NAV3: variants seen among roughly 807,000 people sequenced by gnomAD.
NAV3 encodes the protein neuron navigator 3, also known as pore membrane and/or filament interacting like protein 1.
A neutral mutation model predicts 244.7 loss-of-function variants in NAV3; 87 were observed. The observed-to-expected ratio is 0.36, with a 90% confidence interval of 0.30 to 0.42. The LOEUF is 0.42. Ranked by LOEUF, NAV3 falls within the 20% of genes least tolerant of loss-of-function variation. The probability of loss-of-function intolerance (pLI) is 1.00; values close to 1 mark genes in which losing one functional copy is unlikely to be tolerated. For synonymous variants in NAV3, 1,126 were observed against 1,042.2 expected (o/e 1.08, Z -1.55); for missense variants, 2,663 against 2,893.3 (o/e 0.92, Z 1.83).
chr12:77,937,973 C>T lies in NAV3; in HGVS notation c.244-2346C>T, dbSNP rs6538492. Reference sequence around the variant, plus strand: ...TTTTTCTCCTTGTTTTACAACAAGACTTTTTTTTACAAGAGGAATCTGAAG... The same window carrying T: ...TTTTTCTCCTTGTTTTACAACAAGATTTTTTTTTACAAGAGGAATCTGAAG... On this transcript the variant is annotated intron_variant, in intron 1 of 39. Transcript: ENST00000397909. 7.5e-3 allele frequency among the ~76,000 whole-genome samples: 1,137 copies of T among 152,028 alleles called. 14 individuals are homozygous for T. The highest frequency in any genetic ancestry group is 0.024 in the Middle Eastern group (7 of 294).
At chr12:78,194,904 C>T (rs895558423) in intron 34 of NAV3, among the ~76,000 whole-genome samples, 6 of 152,074 alleles carry the variant, frequency 3.9e-5, no homozygotes, top group Non-Finnish European at 8.8e-5. Context: ...CACCACAGTA[C>T]ATTTTCCAGA....
chr12:77,830,700 C>T (rs940102673), upstream of NAV3, among the ~76,000 whole-genome samples: 9 of 152,152 alleles, frequency 5.9e-5, no homozygotes, highest in South Asian at 6.2e-4. Context: ...GAATGAACAT[C>T]GTGGCTCATG....
At chr12:77,758,846 T>C (rs1402459216) in intron 2 of NAV3, among the ~76,000 whole-genome samples, 1 of 152,246 alleles carries the variant, frequency 6.6e-6, no homozygotes, top group African/African-American at 2.4e-5. Flanking sequence ...GAAATAATTT[T>C]GCAACATTTG....
intron 2 of NAV3, among the ~76,000 whole-genome samples, chr12:77,590,956 A>G (rs1869877687): frequency 6.6e-6 from 1 of 152,120 alleles, no homozygotes; most frequent in Non-Finnish European, 1.5e-5. Flanking sequence ...CCATGTGAAG[A>G]CTCTTGTATA....
intron 5 of NAV3, among the ~76,000 whole-genome samples, chr12:77,972,760 A>G (rs1388988736): frequency 1.3e-5 from 2 of 152,196 alleles, no homozygotes; most frequent in Non-Finnish European, 2.9e-5. Context: ...GAAACAATGT[A>G]AAAATAAATC....
intron 12 of NAV3, 37 bp from the exon 13 acceptor site, chr12:78,116,735 G>T (rs1487122573): frequency 6.6e-7 from 1 of 1,509,324 alleles, no homozygotes; most frequent in African/African-American, 1.4e-5. Context: ...TGTGCATCCT[G>T]TGTTTGATTC....
intron 1 of NAV3, among the ~76,000 whole-genome samples, chr12:77,905,300 T>A (rs1482655678): frequency 6.6e-6 from 1 of 152,170 alleles, no homozygotes; most frequent in African/African-American, 2.4e-5. Context: ...AAATGCTTTT[T>A]CTTTCCTATG....
chr12:78,121,884 A>C, intron 15 of NAV3, 56 bp from the exon 16 acceptor site: 1 of 1,592,374 alleles, frequency 6.3e-7, no homozygotes, highest in Non-Finnish European at 8.6e-7. Flanking sequence ...CCGAAATATT[A>C]AATGTGGATA....
chr12:78,059,300 G>T (rs767427563), intron 12 of NAV3, among the ~76,000 whole-genome samples, 185 bp downstream of exon 12: 2 of 150,648 alleles, frequency 1.3e-5, no homozygotes, highest in Non-Finnish European at 3.0e-5. Context: ...CGTTTTTTTT[G>T]TGTGTGTGAG....
chr12:78,069,017 C>A (rs1456464407), intron 12 of NAV3, among the ~76,000 whole-genome samples: 3 of 150,642 alleles, frequency 2.0e-5, no homozygotes, highest in Non-Finnish European at 4.4e-5. Flanking sequence ...TTCAGATTTT[C>A]AATTTGGGAT....
At chr12:77,865,788 C>T (rs1879917314) in intron 1 of NAV3, among the ~76,000 whole-genome samples, 3 of 30,092 alleles carry the variant, frequency 1.0e-4, no homozygotes, top group African/African-American at 2.5e-4. Flanking sequence ...TGCATATACA[C>T]GTATATATGC....
intron 2 of NAV3, among the ~76,000 whole-genome samples, chr12:77,652,551 T>A (rs957397076): frequency 1.3e-5 from 2 of 152,166 alleles, no homozygotes; most frequent in African/African-American, 4.8e-5. Context: ...ACTAAAAAGA[T>A]GTATGCCTGT....
intron 12 of NAV3, among the ~76,000 whole-genome samples, chr12:78,072,168 C>A (rs1190549853): frequency 6.7e-6 from 1 of 148,256 alleles, no homozygotes; most frequent in African/African-American, 2.5e-5. Context: ...TAGCAGAAGG[C>A]AAGAAATAAC....
At chr12:77,620,123 A>G (rs745454822) in intron 2 of NAV3, among the ~76,000 whole-genome samples, 1 of 152,210 alleles carries the variant, frequency 6.6e-6, no homozygotes, top group Non-Finnish European at 1.5e-5. Context: ...CAAATGATGT[A>G]GTCATACTTC....
intron 2 of NAV3, among the ~76,000 whole-genome samples, chr12:77,671,935 C>T (rs576108751): frequency 6.6e-6 from 1 of 152,198 alleles, no homozygotes; most frequent in South Asian, 2.1e-4. Context: ...AGCTTCTGCA[C>T]AGCAAAATAA....
intron 2 of NAV3, among the ~76,000 whole-genome samples, chr12:77,813,865 G>C (rs1290276209): frequency 6.6e-6 from 1 of 152,090 alleles, no homozygotes; most frequent in African/African-American, 2.4e-5. Context: ...ATTTATTTCA[G>C]TATGGTTTTC....
At chr12:77,988,026 T>C (rs760275054) in intron 5 of NAV3, among the ~76,000 whole-genome samples, 2 of 152,158 alleles carry the variant, frequency 1.3e-5, no homozygotes, top group African/African-American at 4.8e-5. Flanking sequence ...GCTGCTGACA[T>C]CTAAAGAGGC....
chr12:77,791,876 A>T (rs149487472), intron 2 of NAV3, among the ~76,000 whole-genome samples: 188 of 152,362 alleles, frequency 1.2e-3, no homozygotes, highest in African/African-American at 4.4e-3. Context: ...TAAGTAATCT[A>T]GAGATGATTT....
intron 2 of NAV3, among the ~76,000 whole-genome samples, chr12:77,642,107 C>T (rs936821468): frequency 3.3e-5 from 5 of 151,922 alleles, no homozygotes. Flanking sequence ...TGAGACACTG[C>T]CCTTCAGTTT....
Sources: allele counts gnomAD v4.1 joint callset (sites outside exome capture counted in the v4.1 genomes callset), GRCh38; gene constraint gnomAD v4.1.1; transcripts MANE v1.5; gene names NCBI Gene and HGNC (gene_info 2026-07-23, HGNC 2026-07-21).